SNAP91: variants seen among roughly 807,000 people sequenced by gnomAD.
SNAP91 encodes synaptosome associated protein 91.
SNAP91 carries 27 observed loss-of-function variants against 100.3 expected under a neutral mutation model. The ratio of observed to expected loss-of-function variants is 0.27; its 90% confidence interval spans 0.20 to 0.37. The LOEUF (loss-of-function observed/expected upper bound fraction) is 0.37, where lower values mean the gene tolerates loss of function less well. Ranked by LOEUF, SNAP91 falls within the 10% of genes least tolerant of loss-of-function variation. SNAP91 has a pLI of 1.00. For missense variants in SNAP91, 986 were observed against 1,123.7 expected (o/e 0.88, Z 1.75); for synonymous variants, 404 against 398.6 (o/e 1.01, Z -0.16).
At chr6:83,683,584 T>C (rs1054140528) in intron 2 of SNAP91, among the ~76,000 whole-genome samples, 4 of 152,170 alleles carry the variant, frequency 2.6e-5, no homozygotes, top group African/African-American at 9.7e-5. Flanking sequence ...CAGAAGCAGG[T>C]GCTGGCGCCA....
At chr6:83,681,431 T>C (rs2098987881) in intron 2 of SNAP91, among the ~76,000 whole-genome samples, 3 of 152,146 alleles carry the variant, frequency 2.0e-5, no homozygotes, top group Admixed American at 6.6e-5. Context: ...AAGAGAAAGA[T>C]GTCTATTTCC....
chr6:83,565,118 C>A (rs1364270325), intron 26 of SNAP91, among the ~76,000 whole-genome samples: 1 of 151,294 alleles, frequency 6.6e-6, no homozygotes, highest in South Asian at 2.1e-4. Flanking sequence ...GCAGAATATG[C>A]CACCCCAAAA....
At chr6:83,611,972 C>G (rs11966806) in intron 11 of SNAP91, among the ~76,000 whole-genome samples, 1 of 148,790 alleles carries the variant, frequency 6.7e-6, no homozygotes, top group Non-Finnish European at 1.5e-5. Flanking sequence ...CCGCCTGCCT[C>G]GGCCTCCCAA....
At chr6:83,680,906 C>A (rs2128911265) in intron 2 of SNAP91, among the ~76,000 whole-genome samples, 1 of 152,126 alleles carries the variant, frequency 6.6e-6, no homozygotes, top group African/African-American at 2.4e-5. Context: ...GCAGTAGGAC[C>A]CCGGGGAAAC....
chr6:83,594,550 CA>C, intron 16 of SNAP91, 69 bp from the exon 17 acceptor site: 1 of 981,332 alleles, frequency 1.0e-6, no homozygotes, highest in Non-Finnish European at 1.4e-6. Context: ...GTAAAAGAAC[CA>C]AGTTAAATTG....
At chr6:83,576,509 C>T (rs1030442685) in intron 24 of SNAP91, among the ~76,000 whole-genome samples, 1 of 152,212 alleles carries the variant, frequency 6.6e-6, no homozygotes, top group Non-Finnish European at 1.5e-5. Context: ...GCAGAAATGC[C>T]TACATGATCA....
chr6:83,638,972 G>A (rs1156469109), intron 8 of SNAP91, among the ~76,000 whole-genome samples: 1 of 152,146 alleles, frequency 6.6e-6, no homozygotes, highest in African/African-American at 2.4e-5. Flanking sequence ...TTACTTGTCT[G>A]CCATAGGAGA....
chr6:83,614,329 TA>T (rs1207655435), intron 11 of SNAP91, among the ~76,000 whole-genome samples: 3 of 152,080 alleles, frequency 2.0e-5, no homozygotes, highest in African/African-American at 7.2e-5. Context: ...GAGTATTGCA[TA>T]AAATTACAGA....
chr6:83,706,338 A>G (rs1448177475), intron 2 of SNAP91, among the ~76,000 whole-genome samples: 1 of 152,250 alleles, frequency 6.6e-6, no homozygotes, highest in African/African-American at 2.4e-5. Flanking sequence ...TAAATGATTC[A>G]GCATGCTGCA....
rs942412129 is a variant in SNAP91, at chr6:83,708,043, G to T, written c.-30-86C>A. ...CAGGCCTTGCCTCCTCCAGCCGCGC[G>T]GCGGCTCTCTCCTCCTCCATCCCCA... On this transcript the variant is annotated intron_variant, in intron 1 of 29. Coordinates refer to ENST00000369694, the MANE Select transcript of SNAP91 (RefSeq NM_001242792.2). 14 of 1,256,228 alleles carry T rather than the reference G, an allele frequency of 1.1e-5. No homozygotes were observed. The South Asian group carries it at 2.4e-4, about 21-fold the overall frequency. 77.8% of individuals were successfully genotyped at this position (1,256,228 alleles called of 1,614,324 possible). A position where few individuals can be genotyped will look rare whatever the true frequency, so the allele number is the denominator to read the frequency against.
chr6:83,652,481 C>T (rs1486575618), intron 7 of SNAP91, among the ~76,000 whole-genome samples: 1 of 152,074 alleles, frequency 6.6e-6, no homozygotes, highest in Non-Finnish European at 1.5e-5. Flanking sequence ...GTGAGTATAA[C>T]AACAAAACAT....
At chr6:83,654,232 C>T (rs953585973) in intron 7 of SNAP91, among the ~76,000 whole-genome samples, 1 of 152,162 alleles carries the variant, frequency 6.6e-6, no homozygotes, top group Non-Finnish European at 1.5e-5. Context: ...AGCTTCCACT[C>T]GTGAGTCTCT....
intron 8 of SNAP91, among the ~76,000 whole-genome samples, chr6:83,634,888 TG>T (rs1317345909): frequency 6.6e-6 from 1 of 152,250 alleles, no homozygotes; most frequent in Non-Finnish European, 1.5e-5. Context: ...GCCTTAATTT[TG>T]TTGTTTACCC....
chr6:83,624,689 T>C (rs889490975), intron 8 of SNAP91, among the ~76,000 whole-genome samples: 8 of 151,964 alleles, frequency 5.3e-5, no homozygotes, highest in African/African-American at 1.9e-4. Context: ...AGGATGCTAG[T>C]AGACACCCTC....
At chr6:83,574,303 T>G (rs901630430) in intron 26 of SNAP91, among the ~76,000 whole-genome samples, 1 of 152,230 alleles carries the variant, frequency 6.6e-6, no homozygotes, top group Non-Finnish European at 1.5e-5. Context: ...ACGTTCTTTT[T>G]GTGTCAGCAA....
intron 8 of SNAP91, among the ~76,000 whole-genome samples, chr6:83,628,584 C>T (rs1360266967): frequency 1.3e-5 from 2 of 151,356 alleles, no homozygotes; most frequent in East Asian, 1.9e-4. Context: ...AAGGTGGTAT[C>T]GCATTGCAGT....
At chr6:83,645,241 C>G (rs1381969183) in intron 7 of SNAP91, among the ~76,000 whole-genome samples, 1 of 151,932 alleles carries the variant, frequency 6.6e-6, no homozygotes, top group African/African-American at 2.4e-5. Flanking sequence ...AGGGATATAT[C>G]CTGACTTTTT....
intron 2 of SNAP91, among the ~76,000 whole-genome samples, chr6:83,685,546 A>T (rs1218226604): frequency 1.3e-5 from 2 of 152,184 alleles, no homozygotes; most frequent in Non-Finnish European, 2.9e-5. Flanking sequence ...ATGGGGCAAA[A>T]CTAGGGTATG....
chr6:83,560,602 A>G (rs1015059645), intron 27 of SNAP91, among the ~76,000 whole-genome samples: 9 of 152,210 alleles, frequency 5.9e-5, no homozygotes, highest in Non-Finnish European at 1.2e-4. Context: ...TTGGGCTAAT[A>G]CTATATTTTG....
Sources: gnomAD v4.1 joint callset for allele counts (sites outside exome capture counted in the v4.1 genomes callset) on GRCh38, gnomAD v4.1.1 for gene constraint, MANE v1.5 for transcripts, NCBI Gene and HGNC (gene_info 2026-07-23, HGNC 2026-07-21) for gene names.